The following PSMA1 variants were observed in gnomAD, a reference collection of about 807,000 sequenced individuals.
PSMA1 encodes proteasome 20S subunit alpha 1.
In PSMA1, 3 loss-of-function variants were observed where a neutral mutation model predicts 38.4. The observed-to-expected ratio is 0.08, with a 90% CI of 0.04 to 0.20. The LOEUF (loss-of-function observed/expected upper bound fraction) is 0.20. Ranked by LOEUF, PSMA1 falls within the 10% of genes least tolerant of loss-of-function variation. The pLI is 1.00. For missense variants in PSMA1, 227 were observed against 325.3 expected (o/e 0.70, Z 2.32); for synonymous variants, 101 against 107.1 (o/e 0.94, Z 0.35).
chr11:14,566,596 T>C (rs1852075004), intron 2 of PSMA1, among the ~76,000 whole-genome samples: 1 of 152,196 alleles, frequency 6.6e-6, no homozygotes, highest in Admixed American at 6.5e-5. Flanking sequence ...TTGGGTGTCC[T>C]GGCAGGAAAA....
intron 6 of PSMA1, 58 bp from the exon 7 acceptor site, chr11:14,513,757 T>C (rs766553269): frequency 5.1e-5 from 78 of 1,539,222 alleles, no homozygotes; most frequent in Non-Finnish European, 6.3e-5. Flanking sequence ...CTAAAAATTA[T>C]AAAAATTTCT....
intron 1 of PSMA1, among the ~76,000 whole-genome samples, chr11:14,628,949 G>T (rs1186716787): frequency 6.6e-6 from 1 of 150,974 alleles, no homozygotes; most frequent in Middle Eastern, 3.4e-3. Context: ...GTGTTTTTTG[G>T]CTGCATAAAT....
intron 2 of PSMA1, among the ~76,000 whole-genome samples, chr11:14,593,214 G>T (rs1448778660): frequency 6.6e-6 from 1 of 152,172 alleles, no homozygotes; most frequent in Non-Finnish European, 1.5e-5. Flanking sequence ...AAGTGGCAGA[G>T]CCCAGATTTG....
At chr11:14,567,896 G>A (rs1357914649) in intron 2 of PSMA1, among the ~76,000 whole-genome samples, 2 of 152,176 alleles carry the variant, frequency 1.3e-5, no homozygotes, top group African/African-American at 2.4e-5. Context: ...AAACAAACGT[G>A]TGTTAGATAA....
At chr11:14,628,605 C>T (rs1486069614) in intron 1 of PSMA1, among the ~76,000 whole-genome samples, 432 of 148,410 alleles carry the variant, frequency 2.9e-3, no homozygotes, top group Middle Eastern at 0.01. Flanking sequence ...TTTGCTATTG[C>T]GAATAATGCC....
At chr11:14,541,606 A>G (rs979185687) in intron 2 of PSMA1, among the ~76,000 whole-genome samples, 2 of 151,982 alleles carry the variant, frequency 1.3e-5, no homozygotes, top group Admixed American at 6.6e-5. Context: ...CACTGCCCAC[A>G]CTCTTTTCCC....
chr11:14,535,444 CTTTTTTT>C (rs766986230), intron 2 of PSMA1, among the ~76,000 whole-genome samples: 1 of 135,876 alleles, frequency 7.4e-6, no homozygotes, highest in Non-Finnish European at 1.6e-5. Context: ...TTCTTTCTTT[CTTTTTTT>C]TTTTTTTTTG....
intron 2 of PSMA1, among the ~76,000 whole-genome samples, chr11:14,563,055 C>T (rs984832136): frequency 1.3e-5 from 2 of 152,032 alleles, no homozygotes; most frequent in Non-Finnish European, 2.9e-5. Context: ...TTTATTGTGT[C>T]ATTATGGTTT....
At chr11:14,619,438 C>CA (rs557216383) in intron 1 of PSMA1, among the ~76,000 whole-genome samples, 47 of 145,508 alleles carry the variant, frequency 3.2e-4, no homozygotes, top group Admixed American at 1.7e-3. Flanking sequence ...GATCCTGTCT[C>CA]AAAAAAAAAA....
intron 2 of PSMA1, among the ~76,000 whole-genome samples, chr11:14,572,334 CA>C (rs1460071393): frequency 1.1e-4 from 16 of 152,214 alleles, no homozygotes; most frequent in Admixed American, 1.0e-3. Context: ...ACAGTGCAAT[CA>C]AACAAGAACT....
intron 8 of PSMA1, among the ~76,000 whole-genome samples, chr11:14,508,562 A>AAAAAAAAAAAAAAAAAAC: frequency 3.1e-5 from 1 of 32,096 alleles, no homozygotes; most frequent in South Asian, 8.9e-4. Flanking sequence ...ACTCCATCTC[A>AAAAAAAAAAAAAAAAAAC]AAAAAAAAAA....
At chr11:14,597,798 A>G (rs1336779369) in intron 2 of PSMA1, among the ~76,000 whole-genome samples, 1 of 151,868 alleles carries the variant, frequency 6.6e-6, no homozygotes, top group Non-Finnish European at 1.5e-5. Context: ...TAGCTTTTGA[A>G]TGTGTTTGCT....
intron 2 of PSMA1, among the ~76,000 whole-genome samples, chr11:14,532,075 AT>A (rs929327698): frequency 6.0e-5 from 9 of 150,986 alleles, no homozygotes; most frequent in Non-Finnish European, 1.0e-4. Context: ...TACCATTTTA[AT>A]TTTTTTCAGG....
chr11:14,632,680 G>A (rs1472920849), intron 1 of PSMA1, among the ~76,000 whole-genome samples: 5 of 144,100 alleles, frequency 3.5e-5, no homozygotes, highest in African/African-American at 5.2e-5. Flanking sequence ...TCTTTGTGGC[G>A]TTCTCTGTAT....
chr11:14,536,151 A>G (rs1851704507), intron 2 of PSMA1, among the ~76,000 whole-genome samples: 1 of 152,162 alleles, frequency 6.6e-6, no homozygotes, highest in African/African-American at 2.4e-5. Flanking sequence ...TTTGTTGATC[A>G]CCTTACTATA....
chr11:14,599,998 C>A (rs527672197), intron 2 of PSMA1, among the ~76,000 whole-genome samples: 1 of 152,324 alleles, frequency 6.6e-6, no homozygotes, highest in South Asian at 2.1e-4. Context: ...ACAGTCAAGT[C>A]CCTCAGCTGC....
At chr11:14,530,275 T>C (rs1011840938) in intron 2 of PSMA1, among the ~76,000 whole-genome samples, 1 of 152,168 alleles carries the variant, frequency 6.6e-6, no homozygotes, top group African/African-American at 2.4e-5. Context: ...TAAACTCCAG[T>C]CTCTGAATTA....
At chr11:14,619,298 A>G (rs943639917) in intron 1 of PSMA1, among the ~76,000 whole-genome samples, 4 of 152,108 alleles carry the variant, frequency 2.6e-5, no homozygotes, top group African/African-American at 9.7e-5. Context: ...AAATAAAAAA[A>G]ATTAGCTGAG....
intron 2 of PSMA1, among the ~76,000 whole-genome samples, chr11:14,573,035 C>T (rs1185838810): frequency 6.6e-6 from 1 of 152,076 alleles, no homozygotes; most frequent in African/African-American, 2.4e-5. Context: ...AGCCTACCAA[C>T]CAAAAAAAGT....
Sources: allele counts gnomAD v4.1 joint callset (sites outside exome capture counted in the v4.1 genomes callset), GRCh38; gene constraint gnomAD v4.1.1; transcripts MANE v1.5; gene names NCBI Gene and HGNC (gene_info 2026-07-23, HGNC 2026-07-21).